The following SPPL2B variants were observed in gnomAD, a reference collection of about 807,000 sequenced individuals.
SPPL2B encodes the protein signal peptide peptidase-like 2B.
Under a neutral mutation model 59.7 loss-of-function variants are expected in SPPL2B, and 39 were observed. The ratio of observed to expected loss-of-function variants is 0.65; its 90% CI spans 0.51 to 0.85. The LOEUF (loss-of-function observed/expected upper bound fraction) is 0.85. Ranked by LOEUF, SPPL2B falls within the 40% of genes least tolerant of loss-of-function variation. The pLI is 0.00. For missense variants in SPPL2B, 865 were observed against 849.0 expected (o/e 1.02, Z -0.23); for synonymous variants, 419 against 370.8 (o/e 1.13, Z -1.49).
At chr19:2,335,989 G>A (rs1431552182) in intron 2 of SPPL2B, among the ~76,000 whole-genome samples, 1 of 151,826 alleles carries the variant, frequency 6.6e-6, no homozygotes, top group African/African-American at 2.4e-5. Context: ...ACATAGGTGT[G>A]TGTCAACACA....
At position 2,354,467 on chromosome 19, in the gene SPPL2B, C is replaced by T. The variant is rs961593021; in HGVS notation, c.*1258C>T. 1.3e-5 allele frequency: 2 copies of T among 152,314 alleles called. No homozygotes were observed. The highest frequency in any genetic ancestry group is 2.4e-5 in the African/African-American group (1 of 41,456). The allele number at this position is 152,314 out of a possible 1,614,324, so 9.4% of individuals were successfully genotyped here. On this transcript the variant is annotated 3_prime_UTR_variant, in exon 15 of 15. Coordinates refer to ENST00000613503, the MANE Select transcript of SPPL2B (RefSeq NM_152988.3). ...CGCCACCCGCCCTGTTGAGTGCGGC[C>T]TCCAGACTCGAGTCCAGAATCTGTT...
intron 13 of SPPL2B, among the ~76,000 whole-genome samples, chr19:2,350,236 CCACA>C (rs1253944676): frequency 6.7e-6 from 1 of 148,810 alleles, no homozygotes; most frequent in Non-Finnish European, 1.5e-5. Flanking sequence ...CGTTCTCTCT[CCACA>C]CACACACTTG....
intron 13 of SPPL2B, among the ~76,000 whole-genome samples, chr19:2,348,207 CCA>C (rs1555756578): frequency 3.5e-5 from 4 of 115,696 alleles, no homozygotes; most frequent in Admixed American, 8.9e-5. Flanking sequence ...CGTTCTCTCT[CCA>C]CACACACACA....
At chr19:2,335,611 C>T (rs1385012019) in intron 2 of SPPL2B, among the ~76,000 whole-genome samples, 1 of 150,946 alleles carries the variant, frequency 6.6e-6, no homozygotes, top group Non-Finnish European at 1.5e-5. Context: ...CTGTCCCTGC[C>T]TCCTTTCCCA....
chr19:2,341,429 C>T (rs770256772), intron 8 of SPPL2B: 19 of 457,536 alleles, frequency 4.2e-5, no homozygotes, highest in Non-Finnish European at 5.3e-5. Flanking sequence ...ATGACTGCTG[C>T]GGCTTCTGAG....
In SPPL2B at chr19:2,344,588, C is replaced by G. The variant is rs749405592; in HGVS notation, c.1212C>G (p.Ser404=). The G allele has an allele frequency of 2.8e-5, 45 of 1,613,174 alleles. No individual in the cohort carries two copies. The highest frequency in any genetic ancestry group is 3.8e-5 in the Non-Finnish European group (45 of 1,179,738). Residue 404 remains serine (S), a synonymous_variant, in exon 12 of 15, where the codon TCC becomes TCG. Coordinates refer to ENST00000613503, the MANE Select transcript of SPPL2B (RefSeq NM_152988.3). Reference sequence around the variant, plus strand: ...TCCTGAAGGTGCCCAGGCTGAACTCCTCACCTCTGGCCCTGTGTGACCGGC... The same window carrying G: ...TCCTGAAGGTGCCCAGGCTGAACTCGTCACCTCTGGCCCTGTGTGACCGGC... ...PMVLKVPRLN[S]SPLALCDRPF... is the part of the protein sequence containing the mutation.
intron 13 of SPPL2B, among the ~76,000 whole-genome samples, chr19:2,351,128 G>A (rs1051135309): frequency 1.3e-5 from 2 of 152,184 alleles, no homozygotes; most frequent in African/African-American, 4.8e-5. Flanking sequence ...TATCACGTCT[G>A]CCTCCCGCTG....
At chr19:2,346,387 C>T (rs754213524) in intron 13 of SPPL2B, among the ~76,000 whole-genome samples, 4 of 152,366 alleles carry the variant, frequency 2.6e-5, no homozygotes, top group South Asian at 4.1e-4. Flanking sequence ...CGGCTGAGGC[C>T]GGGTACGGGG....
At position 2,334,557 on chromosome 19, in the gene SPPL2B, C is replaced by G. The variant is rs763149495; in HGVS notation, c.67-45C>G. On this transcript the variant is annotated intron_variant, in intron 1 of 14. Coordinates refer to ENST00000613503, the MANE Select transcript of SPPL2B (RefSeq NM_152988.3). ...TGTTTCTCGTGGGGCGGTGCAGCCC[C>G]GCACGTCCCGTGCTGTGGCTCTGAC... The G allele has an allele frequency of 3.2e-6, 5 of 1,578,242 alleles. No homozygotes were observed. The African/African-American group carries it at 4.0e-5, about 13-fold the overall frequency.
chr19:2,349,077 T>C (rs1599250541), intron 13 of SPPL2B, among the ~76,000 whole-genome samples: 4 of 91,974 alleles, frequency 4.3e-5, no homozygotes, highest in African/African-American at 4.5e-5. Flanking sequence ...GTTCTCTCCC[T>C]CCACACACAC....
intron 14 of SPPL2B, 74 bp from the exon 15 acceptor site, chr19:2,352,872 G>T (rs1309186166): frequency 5.3e-5 from 81 of 1,541,182 alleles, no homozygotes; most frequent in Non-Finnish European, 1.2e-5. Context: ...GCGGGTGCTG[G>T]GTGTCCTGGC....
At position 2,339,082 on chromosome 19, in the gene SPPL2B, C is replaced by A; in HGVS notation, c.473C>A (p.Thr158Lys). 1 of 1,560,928 alleles carries A rather than the reference C, an allele frequency of 6.4e-7. No individual in the cohort carries two copies. The highest frequency in any genetic ancestry group is 8.7e-7 in the Non-Finnish European group (1 of 1,152,726). The change falls in exon 5 of 15, where the codon ACG (threonine) becomes AAG (lysine). Residue 158 changes from threonine (T) to lysine (K), a missense_variant. Thr to Lys is a moderately conservative substitution (Grantham distance 78, BLOSUM62 -1). Coordinates refer to ENST00000613503, the MANE Select transcript of SPPL2B (RefSeq NM_152988.3). ...TCCTTGAGGCAGCGTTTCGGCCGCA[C>A]GGTGAGGGCGGCGCTGTATGCGCCT... The part of the protein sequence containing the change: ...MLDIFTRFGR[T>K]VRAALYAPKE...
intron 8 of SPPL2B, chr19:2,341,446 TGGA>T (rs1175692024): frequency 1.5e-5 from 7 of 452,336 alleles, no homozygotes; most frequent in Non-Finnish European, 3.1e-5. Context: ...TGAGCAGTGG[TGGA>T]GGTGGGGCAG....
intron 7 of SPPL2B, 109 bp from the exon 8 acceptor site, chr19:2,340,789 T>TG (rs925147600): frequency 2.0e-5 from 13 of 634,852 alleles, no homozygotes; most frequent in South Asian, 5.7e-5. Context: ...GACAACAGAG[T>TG]GGGGGCTGCC....
In SPPL2B at chr19:2,339,849, G is replaced by A. The variant is rs758106983; in HGVS notation, c.625G>A (p.Asp209Asn). 3.7e-6 allele frequency: 6 copies of A among 1,606,298 alleles called. No homozygotes were observed. The Admixed American group carries it at 6.8e-5, about 18-fold the overall frequency. Reference sequence around the variant, plus strand: ...AAGGTACATGAAGCACAAGCGCGACGATGGGCCCGAGAAGCAGGAGGACGA... The same window carrying A: ...AAGGTACATGAAGCACAAGCGCGACAATGGGCCCGAGAAGCAGGAGGACGA... ...KKRYMKHKRD[D>N]GPEKQEDEAV... Residue 209 changes from aspartate to asparagine, a missense_variant, in exon 6 of 15, where the codon GAT (aspartate) becomes AAT (asparagine). By Grantham distance (23) the Asp-to-Asn change is conservative (BLOSUM62 1). Coordinates refer to ENST00000613503, the MANE Select transcript of SPPL2B (RefSeq NM_152988.3).
At chr19:2,336,028 G>A (rs1599205566) in intron 2 of SPPL2B, among the ~76,000 whole-genome samples, 1 of 152,236 alleles carries the variant, frequency 6.6e-6, no homozygotes, top group Non-Finnish European at 1.5e-5. Flanking sequence ...ACATGTAATA[G>A]GTATGTGTGA....
chr19:2,345,506 C>T (rs1036424530), intron 13 of SPPL2B, among the ~76,000 whole-genome samples, 176 bp downstream of exon 13: 7 of 152,204 alleles, frequency 4.6e-5, no homozygotes, highest in Non-Finnish European at 1.0e-4. Context: ...GAGCTGGGCT[C>T]GGGTGGCTGG....
chr19:2,346,979 C>T (rs931667059), intron 13 of SPPL2B, among the ~76,000 whole-genome samples: 1 of 152,210 alleles, frequency 6.6e-6, no homozygotes, highest in Admixed American at 6.5e-5. Context: ...TAAGAGTGTT[C>T]TAGCAAATAA....
Position 2,337,544 on chromosome 19 carries a change from G to T in SPPL2B, c.288G>T (p.Gly96=). The T allele has an allele frequency of 6.2e-7, 1 of 1,612,660 alleles. No homozygotes were observed. Among genetic ancestry groups the T allele is most frequent in the Non-Finnish European group, 8.5e-7 (1 of 1,179,622 alleles). Residue 96 remains glycine (G), a synonymous_variant, in exon 3 of 15, where the codon GGG becomes GGT. Coordinates refer to ENST00000613503, the MANE Select transcript of SPPL2B (RefSeq NM_152988.3). ...FSNQIPLVAR[G]NCTFYEKVRL... ...ACCAGATCCCGCTGGTGGCGCGGGG[G>T]AACTGCACCTTCTATGAGAAAGTGA...
Sources: gnomAD v4.1 joint callset for allele counts (sites outside exome capture counted in the v4.1 genomes callset) on GRCh38, gnomAD v4.1.1 for gene constraint, MANE v1.5 for transcripts, NCBI Gene and HGNC (gene_info 2026-07-23, HGNC 2026-07-21) for gene names.